MICAL2: variants seen among roughly 807,000 people sequenced by gnomAD.
MICAL2 encodes [F-actin]-monooxygenase MICAL2.
Under a neutral mutation model 127.3 loss-of-function variants are expected in MICAL2, and 77 were observed. The ratio of observed to expected loss-of-function variants is 0.60; its 90% CI spans 0.50 to 0.73. The LOEUF (loss-of-function observed/expected upper bound fraction) is 0.73. Among genes scored for constraint, MICAL2 ranks in the 30% least tolerant of loss-of-function variants. The pLI, the probability that MICAL2 is intolerant of heterozygous loss-of-function variation, is 0.00. For synonymous variants in MICAL2, 570 were observed against 551.1 expected (o/e 1.03, Z -0.48); for missense variants, 1,351 against 1,434.4 (o/e 0.94, Z 0.94).
intron 3 of MICAL2, chr11:12,196,004 C>G (rs574672474): frequency 6.5e-6 from 1 of 153,278 alleles, no homozygotes; most frequent in Non-Finnish European, 1.5e-5. Context: ...GAGGACTGCT[C>G]TGGTTGCTGT....
At position 12,330,822 on chromosome 11, in the gene MICAL2, G is replaced by GAGAGAGAGAGAGAGAGAGAGAGAGAGA. The variant is rs1555022632; in HGVS notation, c.5515+3556_5515+3557insAGAGAGAGAGAGAGAGAGAGAGAGAGA. On this transcript the variant is annotated intron_variant, in intron 32 of 34. Coordinates refer to the MICAL2 transcript ENST00000646065. Reference sequence around the variant, plus strand: ...GAGAGAGACAGAGAGAGAGAGAGAGGGAGAGACAGACAGAGAGAGAGAGAG... The same window carrying GAGAGAGAGAGAGAGAGAGAGAGAGAGA: ...GAGAGAGACAGAGAGAGAGAGAGAGGAGAGAGAGAGAGAGAGAGAGAGAGAGAGAGAGACAGACAGAGAGAGAGAGAG... Among the ~76,000 whole-genome samples, 156 of 129,576 alleles carry GAGAGAGAGAGAGAGAGAGAGAGAGAGA rather than the reference G, an allele frequency of 1.2e-3. 1 individual carries two copies. Among genetic ancestry groups the GAGAGAGAGAGAGAGAGAGAGAGAGAGA allele is most frequent in the Non-Finnish European group, 2.1e-3 (125 of 60,532 alleles). 85.0% of individuals were successfully genotyped at this position (129,576 alleles called of 152,430 possible).
At chr11:12,170,883 C>A (rs1856164937) in intron 3 of MICAL2, among the ~76,000 whole-genome samples, 1 of 152,230 alleles carries the variant, frequency 6.6e-6, no homozygotes, top group Non-Finnish European at 1.5e-5. Context: ...ATCCCCGCGT[C>A]TCAAGTCCCC....
intron 6 of MICAL2, among the ~76,000 whole-genome samples, chr11:12,210,712 T>A (rs528161715): frequency 1.3e-5 from 2 of 152,330 alleles, no homozygotes; most frequent in South Asian, 4.1e-4. Flanking sequence ...TTGAGTATAG[T>A]TGGGCATTTC....
intron 33 of MICAL2, among the ~76,000 whole-genome samples, chr11:12,352,569 G>A (rs150875284): frequency 4.6e-4 from 70 of 152,160 alleles, no homozygotes; most frequent in African/African-American, 1.7e-3. Context: ...CTAGACAAAG[G>A]CTAGTAGGAG....
intron 32 of MICAL2, among the ~76,000 whole-genome samples, chr11:12,341,195 C>G (rs1024585449): frequency 1.3e-5 from 2 of 152,248 alleles, no homozygotes; most frequent in South Asian, 2.1e-4. Flanking sequence ...AGGCCCTGCA[C>G]AGTGCTATTG....
chr11:12,148,343 G>A (rs1350347132), intron 2 of MICAL2, among the ~76,000 whole-genome samples: 2 of 152,104 alleles, frequency 1.3e-5, no homozygotes, highest in Non-Finnish European at 2.9e-5. Flanking sequence ...ATGCCTTTGG[G>A]AATTGAGCCT....
intron 30 of MICAL2, among the ~76,000 whole-genome samples, chr11:12,322,844 C>T (rs1195294295): frequency 6.6e-6 from 1 of 152,144 alleles, no homozygotes; most frequent in East Asian, 1.9e-4. Context: ...TTAGTATTTA[C>T]TGAGTGTTCT....
chr11:12,291,202 T>G (rs1249905038), downstream of MICAL2, among the ~76,000 whole-genome samples: 1 of 152,160 alleles, frequency 6.6e-6, no homozygotes, highest in Non-Finnish European at 1.5e-5. Flanking sequence ...AGGGCAGATC[T>G]GAAAAAGAGC....
chr11:12,231,959 C>T (rs1252986931), intron 15 of MICAL2, among the ~76,000 whole-genome samples: 2 of 152,200 alleles, frequency 1.3e-5, no homozygotes, highest in African/African-American at 4.8e-5. Flanking sequence ...AGATTTACGT[C>T]TGCTGGGGGT....
At position 12,256,858 on chromosome 11, in the gene MICAL2, A is replaced by G. The variant is rs751090253; in HGVS notation, c.3029A>G (p.Tyr1010Cys). 3 of 1,614,112 alleles carry G rather than the reference A, an allele frequency of 1.9e-6. No homozygotes were observed. Among genetic ancestry groups the G allele is most frequent in the South Asian group, 2.2e-5 (2 of 91,096 alleles). ...DTCYFCKKRV[Y>C]VMERLSAEGH... ...TGTTACTTCTGTAAGAAACGTGTGT[A>G]CGTGATGGAACGGCTGAGCGCCGAG... The change falls in exon 24 of 28, where the codon TAC (tyrosine) becomes TGC (cysteine). Residue 1010 changes from tyrosine (Y) to cysteine (C), a missense_variant. Transcript: ENST00000683283.
chr11:12,229,805 C>G (rs915926119), intron 15 of MICAL2, among the ~76,000 whole-genome samples: 3 of 152,248 alleles, frequency 2.0e-5, no homozygotes, highest in Non-Finnish European at 2.9e-5. Flanking sequence ...CAGCCCAATT[C>G]TGGCCCCTTT....
chr11:12,267,639 T>C (rs1863623693), downstream of MICAL2, among the ~76,000 whole-genome samples: 1 of 152,152 alleles, frequency 6.6e-6, no homozygotes, highest in Non-Finnish European at 1.5e-5. Flanking sequence ...TGAGACAGTG[T>C]CTTACTCTGT....
intron 16 of MICAL2, among the ~76,000 whole-genome samples, chr11:12,237,139 T>C (rs1859200444): frequency 6.6e-6 from 1 of 152,164 alleles, no homozygotes; most frequent in South Asian, 2.1e-4. Context: ...GAGGTTCACC[T>C]TGGGGAAAGC....
downstream of MICAL2, among the ~76,000 whole-genome samples, chr11:12,268,755 C>T (rs1359690902): frequency 3.3e-5 from 5 of 152,022 alleles, no homozygotes; most frequent in Admixed American, 3.3e-4. Context: ...CTTTGGGAGG[C>T]CAAGGTGGGC....
downstream of MICAL2, among the ~76,000 whole-genome samples, chr11:12,287,785 G>T (rs1215352477): frequency 6.6e-6 from 1 of 152,170 alleles, no homozygotes; most frequent in Non-Finnish European, 1.5e-5. Context: ...CAGCATCTAG[G>T]CAGGCCGGGG....
chr11:12,161,260 A>G lies in MICAL2; in HGVS notation c.-77-819A>G, dbSNP rs566543857. Among the ~76,000 whole-genome samples, 106 of 152,370 alleles carry G rather than the reference A, an allele frequency of 7.0e-4. 2 individuals carry two copies. The South Asian group carries it at 0.021, about 31-fold the overall frequency. On this transcript the variant is annotated intron_variant, in intron 2 of 27. Coordinates refer to ENST00000683283, the MANE Select transcript of MICAL2 (RefSeq NM_001282663.2). ...AGGTTAGAATGGTGCAGAAAGGACC[A>G]TGGCCAAAGCCCAGGCAAGCTATTT...
Position 12,205,837 on chromosome 11 carries a change from G to A in MICAL2, c.472+1380G>A, listed in dbSNP as rs116040681. On this transcript the variant is annotated intron_variant, in intron 4 of 27. Transcript: ENST00000683283. ...GTACAGTGAGCAAGAAGCAGCCATC[G>A]TCCCCAGACTTCAGAATCCAGAGCT... Among the ~76,000 whole-genome samples, 1,228 of 152,292 alleles carry A rather than the reference G, an allele frequency of 8.1e-3. 20 individuals carry two copies. Among genetic ancestry groups the A allele is most frequent in the African/African-American group, 0.028 (1,176 of 41,558 alleles).
At chr11:12,262,841 A>G in intron 27 of MICAL2, 1 of 302,678 alleles carries the variant, frequency 3.3e-6, no homozygotes, top group South Asian at 7.0e-5. Flanking sequence ...GAAGCTACCT[A>G]CTTTCTTGGG....
chr11:12,334,804 C>T (rs1359953030), intron 32 of MICAL2, among the ~76,000 whole-genome samples: 2 of 151,844 alleles, frequency 1.3e-5, no homozygotes, highest in African/African-American at 2.4e-5. Flanking sequence ...TTTATGGCTG[C>T]ATAGTATTCC....
Sources: allele counts gnomAD v4.1 joint callset (sites outside exome capture counted in the v4.1 genomes callset), GRCh38; gene constraint gnomAD v4.1.1; transcripts MANE v1.5; gene names NCBI Gene and HGNC (gene_info 2026-07-23, HGNC 2026-07-21).